The following EYS variants were observed in gnomAD, a reference collection of about 807,000 sequenced individuals.
EYS encodes EGF-like photoreceptor maintenance factor, also known as protein eyes shut homolog.
A neutral mutation model predicts 282.1 loss-of-function variants in EYS; 250 were observed. The ratio of observed to expected loss-of-function variants is 0.89; its 90% CI spans 0.80 to 0.98. The LOEUF (loss-of-function observed/expected upper bound fraction) is 0.98. Among genes scored for constraint, EYS ranks in the 50% least tolerant of loss-of-function variants. The pLI is 0.00. For missense variants in EYS, 4,016 were observed against 3,709.0 expected, an observed-to-expected ratio of 1.08 and a Z score of -2.15; for synonymous variants, 1,355 against 1,282.9, an observed-to-expected ratio of 1.06 and a Z score of -1.20.
rs116693417 is a variant in EYS, at chr6:64,812,629, A to G, written c.3443+749T>C. On this transcript the variant is annotated intron_variant, in intron 22 of 42. Transcript: ENST00000503581. Reference sequence around the variant, plus strand: ...ATACTTTACTAGTAAATAACTATATATCAAGATATACATGATAAACCTGTC... The same window carrying G: ...ATACTTTACTAGTAAATAACTATATGTCAAGATATACATGATAAACCTGTC... 8.9e-3 allele frequency among the ~76,000 whole-genome samples: 1,359 copies of G among 152,192 alleles called. 33 individuals carry two copies. The highest frequency in any genetic ancestry group is 0.031 in the African/African-American group (1,293 of 41,578).
intron 2 of EYS, among the ~76,000 whole-genome samples, chr6:65,556,387 T>TTGTGTGTGTGTGTGTGTG (rs10602177): frequency 0.14 from 20,436 of 148,620 alleles, 1,601 homozygotes; most frequent in Middle Eastern, 0.18. Context: ...ACTGCTGGGT[T>TTGTGTGTGTGTGTGTGTG]TGTGTGTGTG....
intron 24 of EYS, among the ~76,000 whole-genome samples, chr6:64,610,172 T>C (rs2149843934): frequency 6.6e-6 from 1 of 152,126 alleles, no homozygotes; most frequent in Non-Finnish European, 1.5e-5. Context: ...CAGAGAATTT[T>C]CCATCTAATT....
rs1466434411 is a variant in EYS at position 64,226,010 on chromosome 6, AGGCAAACACCTGTTTCTT to A, written c.6424+4564_6424+4581del. 2.0e-5 allele frequency among the ~76,000 whole-genome samples: 3 copies of A among 152,272 alleles called. No homozygotes were observed. In the East Asian group the frequency reaches 5.8e-4, roughly 29 times the overall value. On this transcript the variant is annotated intron_variant, in intron 31 of 42. Transcript: ENST00000503581. ...CAGACATGGATATTAACATTTGAAA[AGGCAAACACCTGTTTCTT>A]GGTCCTTTTCTGATGATGTAGACCA...
chr6:64,002,705 T>TTG (rs1447584335), intron 33 of EYS, among the ~76,000 whole-genome samples: 1 of 152,206 alleles, frequency 6.6e-6, no homozygotes, highest in African/African-American at 2.4e-5. Flanking sequence ...GAAGATGATT[T>TTG]TGTGTGTGTG....
intron 29 of EYS, among the ~76,000 whole-genome samples, chr6:64,343,777 T>C (rs1771238133): frequency 1.3e-5 from 2 of 152,066 alleles, no homozygotes; most frequent in African/African-American, 4.8e-5. Context: ...AGCTGGTTTT[T>C]TGAAAAGATC....
intron 5 of EYS, among the ~76,000 whole-genome samples, chr6:65,422,736 A>C (rs1169853709): frequency 6.6e-6 from 1 of 151,814 alleles, no homozygotes; most frequent in African/African-American, 2.4e-5. Context: ...CTTTGGAAAC[A>C]ATGTGTTATC....
rs1244493077 is a variant in EYS at position 63,727,926 on chromosome 6, A to T, written c.8072-1246T>A. On this transcript the variant is annotated intron_variant, in intron 41 of 42. Transcript: ENST00000503581. ...GGGCGACGGAGTGGGACCCTGTCGTAAAAAAAAAAAATGCTGGGATGGGAT... is the reference window on the plus strand; with the variant it reads ...GGGCGACGGAGTGGGACCCTGTCGTTAAAAAAAAAAATGCTGGGATGGGAT... Among the ~76,000 whole-genome samples the T allele has an allele frequency of 7.9e-5, 11 of 139,178 alleles. No individual in the cohort carries two copies. The Admixed American group carries it at 8.0e-4, about 10-fold the overall frequency. The allele number at this position is 139,178 out of a possible 152,430, so 91.3% of individuals were successfully genotyped here.
intron 26 of EYS, among the ~76,000 whole-genome samples, chr6:64,464,627 G>A (rs943056551): frequency 6.6e-6 from 1 of 152,142 alleles, no homozygotes; most frequent in Middle Eastern, 3.5e-3. Flanking sequence ...AATTGGTAAT[G>A]TCTCTATATA....
intron 12 of EYS, among the ~76,000 whole-genome samples, chr6:65,279,400 T>C (rs1768156088): frequency 6.6e-6 from 1 of 152,172 alleles, no homozygotes; most frequent in Non-Finnish European, 1.5e-5. Flanking sequence ...CACCATATCA[T>C]CTTCTCCTAT....
At chr6:65,618,166 C>T (rs1458808471) in intron 2 of EYS, among the ~76,000 whole-genome samples, 2 of 152,292 alleles carry the variant, frequency 1.3e-5, no homozygotes, top group East Asian at 1.9e-4. Flanking sequence ...TACAGTCCCA[C>T]CAACAGTGTA....
chr6:64,158,998 G>A (rs1047624411), intron 31 of EYS, among the ~76,000 whole-genome samples: 1 of 152,142 alleles, frequency 6.6e-6, no homozygotes, highest in Non-Finnish European at 1.5e-5. Flanking sequence ...TTCTTGTGTA[G>A]ATGGATTTAA....
At chr6:65,340,570 A>G (rs922977776) in intron 10 of EYS, among the ~76,000 whole-genome samples, 3 of 151,106 alleles carry the variant, frequency 2.0e-5, no homozygotes, top group Admixed American at 1.3e-4. Context: ...TTGCACATAA[A>G]GACTCACTTT....
rs141301421 is a variant in EYS, at chr6:64,031,483, C to T, written c.6726-32300G>A. On this transcript the variant is annotated intron_variant, in intron 33 of 42. Coordinates refer to ENST00000503581, the MANE Select transcript of EYS (RefSeq NM_001142800.2). ...CCTGCTTCATGGCACGCAGTCCCAT[C>T]GACCACCCAAGGGCTGAGGAGTGCA... is the stretch of plus-strand genomic sequence containing the variant. Among the ~76,000 whole-genome samples, 1,241 of 152,332 alleles carry T rather than the reference C, an allele frequency of 8.1e-3. 15 individuals carry two copies. Among genetic ancestry groups the T allele is most frequent in the African/African-American group, 0.027 (1,135 of 41,568 alleles).
chr6:65,502,447 G>A (rs60061479), intron 2 of EYS, among the ~76,000 whole-genome samples: 8 of 151,590 alleles, frequency 5.3e-5, no homozygotes, highest in Non-Finnish European at 1.0e-4. Context: ...AGAGAGTGCC[G>A]AATGTTCTCA....
chr6:64,274,675 T>C (rs535219510), intron 30 of EYS, among the ~76,000 whole-genome samples: 2 of 152,148 alleles, frequency 1.3e-5, no homozygotes, highest in East Asian at 3.9e-4. Context: ...GACCATTCTA[T>C]TTAAAGCCTT....
intron 14 of EYS, among the ~76,000 whole-genome samples, chr6:64,968,124 A>G (rs1770160293): frequency 6.6e-6 from 1 of 152,206 alleles, no homozygotes; most frequent in Non-Finnish European, 1.5e-5. Context: ...ATATAACACT[A>G]GAGTCCTCTC....
At chr6:65,493,124 A>C (rs1469666772) in intron 4 of EYS, among the ~76,000 whole-genome samples, 1 of 152,156 alleles carries the variant, frequency 6.6e-6, no homozygotes, top group African/African-American at 2.4e-5. Context: ...CATGTTGGCC[A>C]GGCTGGTCTT....
chr6:64,036,866 G>A (rs1221906315), intron 33 of EYS, among the ~76,000 whole-genome samples: 1 of 152,126 alleles, frequency 6.6e-6, no homozygotes, highest in East Asian at 1.9e-4. Context: ...ACCACACGGA[G>A]GATAGTGGCA....
intron 2 of EYS, among the ~76,000 whole-genome samples, chr6:65,582,531 C>T (rs894776757): frequency 2.6e-5 from 4 of 152,078 alleles, no homozygotes; most frequent in Non-Finnish European, 5.9e-5. Flanking sequence ...CATTCTGAAC[C>T]AAAGAAATGG....
Sources: gnomAD v4.1 joint callset for allele counts (sites outside exome capture counted in the v4.1 genomes callset) on GRCh38, gnomAD v4.1.1 for gene constraint, MANE v1.5 for transcripts, NCBI Gene and HGNC (gene_info 2026-07-23, HGNC 2026-07-21) for gene names.